CCDC30: variants seen among roughly 807,000 people sequenced by gnomAD.
The protein encoded by CCDC30 is coiled-coil domain-containing protein 30.
CCDC30 carries 70 observed loss-of-function variants against 100.2 expected under a neutral mutation model. The observed-to-expected ratio is 0.70, with a 90% CI of 0.58 to 0.85. The LOEUF (loss-of-function observed/expected upper bound fraction) is 0.85. Ranked by LOEUF, CCDC30 falls within the 40% of genes least tolerant of loss-of-function variation. The probability of loss-of-function intolerance (pLI) is 0.00; values close to 1 mark genes in which losing one functional copy is unlikely to be tolerated. For synonymous variants in CCDC30, 233 were observed against 269.5 expected (o/e 0.86, Z 1.33); for missense variants, 652 against 771.2 (o/e 0.85, Z 1.83).
At chr1:42,470,744 T>C (rs1277973120) in intron 1 of CCDC30, among the ~76,000 whole-genome samples, 1 of 152,146 alleles carries the variant, frequency 6.6e-6, no homozygotes, top group Non-Finnish European at 1.5e-5. Context: ...ATGAGTTGTA[T>C]AAAATAGGCA....
exon 9 of CCDC30, chr1:42,581,365 G>A (rs1645962511): frequency 6.3e-7 from 1 of 1,595,286 alleles, no homozygotes; most frequent in African/African-American, 1.4e-5. Context: ...TCAAGATTTT[G>A]GACCTGCAGC....
At chr1:42,641,553 A>G (rs1647392564) in intron 12 of CCDC30, among the ~76,000 whole-genome samples, 1 of 148,396 alleles carries the variant, frequency 6.7e-6, no homozygotes, top group Non-Finnish European at 1.5e-5. Context: ...CCTGTCTAAA[A>G]AAACAAAAAA....
At chr1:42,530,197 T>A (rs1299515244) in intron 6 of CCDC30, among the ~76,000 whole-genome samples, 3 of 152,240 alleles carry the variant, frequency 2.0e-5, no homozygotes, top group African/African-American at 7.2e-5. Flanking sequence ...CATGTCATAA[T>A]GCCTAAGTCA....
chr1:42,572,796 T>C (rs1645758855), intron 7 of CCDC30, among the ~76,000 whole-genome samples: 1 of 152,132 alleles, frequency 6.6e-6, no homozygotes, highest in African/African-American at 2.4e-5. Flanking sequence ...TTTTTGTACT[T>C]TTAGTAGATA....
chr1:42,595,813 G>T (rs935710217), intron 10 of CCDC30, among the ~76,000 whole-genome samples: 1 of 152,148 alleles, frequency 6.6e-6, no homozygotes, highest in South Asian at 2.1e-4. Context: ...CTGCTATCAT[G>T]CACCTTGTCC....
intron 6 of CCDC30, among the ~76,000 whole-genome samples, chr1:42,506,482 T>C (rs1438436124): frequency 6.6e-6 from 1 of 152,228 alleles, no homozygotes; most frequent in Non-Finnish European, 1.5e-5. Context: ...ATCTTTGTGG[T>C]TTACAATAAC....
intron 11 of CCDC30, among the ~76,000 whole-genome samples, chr1:42,624,405 C>T (rs1224106097): frequency 6.6e-6 from 1 of 152,154 alleles, no homozygotes; most frequent in Non-Finnish European, 1.5e-5. Flanking sequence ...GTTGAACCAT[C>T]CTTGCATCCC....
chr1:42,476,389 C>A (rs184976642), intron 1 of CCDC30, among the ~76,000 whole-genome samples: 1 of 152,222 alleles, frequency 6.6e-6, no homozygotes, highest in East Asian at 1.9e-4. Context: ...AGATAGAACC[C>A]TTTTAGAATA....
At chr1:42,612,146 TG>T (rs1340320928) in intron 11 of CCDC30, among the ~76,000 whole-genome samples, 2 of 152,238 alleles carry the variant, frequency 1.3e-5, no homozygotes, top group Non-Finnish European at 2.9e-5. Context: ...TGATAAGCAT[TG>T]TGCTTTGTTG....
At chr1:42,588,138 A>C (rs918575301) in intron 9 of CCDC30, among the ~76,000 whole-genome samples, 1 of 152,192 alleles carries the variant, frequency 6.6e-6, no homozygotes, top group Non-Finnish European at 1.5e-5. Flanking sequence ...TTCTTGCCTG[A>C]GGGTCAGTCT....
rs1644925039 is a variant in CCDC30 at position 42,537,323 on chromosome 1, G to C, written c.457-28973G>C. 4 of 452,426 alleles carry C rather than the reference G, an allele frequency of 8.8e-6. 1 individual carries two copies. In the Middle Eastern group the frequency reaches 9.8e-4, roughly 111 times the overall value. The allele number at this position is 452,426 out of a possible 1,614,324, so 28.0% of individuals were successfully genotyped here. On this transcript the variant is annotated intron_variant, in intron 6 of 16. Coordinates refer to ENST00000668663, the Ensembl canonical transcript of CCDC30. The stretch of plus-strand genomic sequence containing the variant: ...CATGGAAGTCTAAATCAGTAATTTA[G>C]AGGATAGTGACACTCAATCAGTTTG...
chr1:42,588,338 T>C (rs918597886), intron 9 of CCDC30, among the ~76,000 whole-genome samples: 11 of 152,184 alleles, frequency 7.2e-5, no homozygotes, highest in African/African-American at 2.4e-4. Context: ...GAAGGTTTTC[T>C]GAAAAGTCAA....
At chr1:42,558,484 T>C (rs991185263) in intron 6 of CCDC30, among the ~76,000 whole-genome samples, 1 of 152,178 alleles carries the variant, frequency 6.6e-6, no homozygotes, top group Non-Finnish European at 1.5e-5. Context: ...GCTAAGTGCT[T>C]GCATGTGTTA....
At chr1:42,461,361 GGTCATGCTTA>G (rs1353255950), upstream of CCDC30, among the ~76,000 whole-genome samples, 6 of 152,238 alleles carry the variant, frequency 3.9e-5, no homozygotes, top group South Asian at 1.2e-3. Context: ...TTAGAGACAA[GGTCATGCTTA>G]GTCACCCAGG....
intron 15 of CCDC30, among the ~76,000 whole-genome samples, chr1:42,651,469 GA>G (rs890819237): frequency 1.2e-3 from 167 of 141,584 alleles, no homozygotes; most frequent in Middle Eastern, 7.0e-3. Flanking sequence ...ACAGATATAT[GA>G]AAAAAAAAAA....
At chr1:42,494,795 A>G in intron 4 of CCDC30, among the ~76,000 whole-genome samples, 1 of 120,676 alleles carries the variant, frequency 8.3e-6, no homozygotes, top group Admixed American at 9.3e-5. Context: ...GCAAATCAAA[A>G]CCACAATGAG....
chr1:42,570,229 G>A (rs368806940), intron 7 of CCDC30, among the ~76,000 whole-genome samples: 3 of 152,084 alleles, frequency 2.0e-5, no homozygotes, highest in Admixed American at 6.5e-5. Flanking sequence ...GGGAGGCCAA[G>A]GCAGGAGGAT....
chr1:42,523,091 A>G (rs1644672958), intron 6 of CCDC30, among the ~76,000 whole-genome samples: 2 of 152,170 alleles, frequency 1.3e-5, no homozygotes, highest in African/African-American at 4.8e-5. Context: ...CAGCCTCCCA[A>G]AGTGCTGGGA....
At chr1:42,644,877 C>A in intron 14 of CCDC30, 70 bp downstream of exon 18, 1 of 959,532 alleles carries the variant, frequency 1.0e-6, no homozygotes, top group Non-Finnish European at 1.7e-6. Context: ...GCTGTGCTGT[C>A]TCTTGCCTTC....
Sources: allele counts gnomAD v4.1 joint callset (sites outside exome capture counted in the v4.1 genomes callset), GRCh38; gene constraint gnomAD v4.1.1; transcripts MANE v1.5; gene names NCBI Gene and HGNC (gene_info 2026-07-23, HGNC 2026-07-21).